RAB38: variants seen among roughly 807,000 people sequenced by gnomAD.
The protein encoded by RAB38 is ras-related protein Rab-38.
Under a neutral mutation model 18.4 loss-of-function variants are expected in RAB38, and 15 were observed. The observed-to-expected ratio is 0.82, with a 90% CI of 0.55 to 1.26. The LOEUF is 1.26. Among genes scored for constraint, RAB38 ranks in the 50% most tolerant of loss-of-function variants. The pLI is 0.00. For synonymous variants in RAB38, 101 were observed against 104.4 expected, an observed-to-expected ratio of 0.97 and a Z score of 0.20; for missense variants, 294 against 267.4, an observed-to-expected ratio of 1.10 and a Z score of -0.69.
chr11:87,963,803 C>T, the RAB38 span, among the ~76,000 whole-genome samples: 22 of 151,876 alleles, frequency 1.4e-4, no homozygotes, highest in African/African-American at 2.2e-4. Context: ...CCTGTCACCA[C>T]GCCTGGCTAA....
At chr11:88,004,341 A>G in the RAB38 span, among the ~76,000 whole-genome samples, 1 of 151,084 alleles carries the variant, frequency 6.6e-6, no homozygotes, top group Admixed American at 6.6e-5. Context: ...ACTTTTGGAA[A>G]TCAATCAGTG....
chr11:87,957,223 A>G, the RAB38 span, among the ~76,000 whole-genome samples: 1 of 152,122 alleles, frequency 6.6e-6, no homozygotes, highest in Non-Finnish European at 1.5e-5. Context: ...GTTCTCTCTG[A>G]ATCAAGCTTC....
chr11:87,934,957 G>A, the RAB38 span, among the ~76,000 whole-genome samples: 6 of 152,150 alleles, frequency 3.9e-5, no homozygotes, highest in Admixed American at 3.3e-4. Flanking sequence ...TTGAGGAAGA[G>A]ACTGTGTGGA....
chr11:87,857,943 C>G, the RAB38 span, among the ~76,000 whole-genome samples: 4 of 152,122 alleles, frequency 2.6e-5, no homozygotes, highest in Admixed American at 6.6e-5. Context: ...TTGTCCATGC[C>G]TATGTCCTGA....
the RAB38 span, among the ~76,000 whole-genome samples, chr11:88,067,798 T>C: frequency 3.9e-5 from 6 of 151,932 alleles, no homozygotes; most frequent in African/African-American, 1.5e-4. Context: ...ACCTAATGTA[T>C]GTGGAGCTTA....
chr11:88,111,089 C>A (rs1057056175), downstream of RAB38, among the ~76,000 whole-genome samples: 9 of 152,156 alleles, frequency 5.9e-5, no homozygotes, highest in Admixed American at 2.6e-4. Context: ...TACGTGATGC[C>A]ATAATTAATA....
At chr11:88,083,673 G>A in the RAB38 span, among the ~76,000 whole-genome samples, 56 of 151,982 alleles carry the variant, frequency 3.7e-4, 1 homozygote, top group South Asian at 8.9e-3. Flanking sequence ...GGGCTCTGCC[G>A]TCATGAATGG....
chr11:88,148,185 G>T (rs202125218), intron 2 of RAB38, among the ~76,000 whole-genome samples: 2 of 152,078 alleles, frequency 1.3e-5, no homozygotes, highest in Admixed American at 6.5e-5. Flanking sequence ...AAGAACTCTC[G>T]CAACTGAGCA....
intron 1 of RAB38, among the ~76,000 whole-genome samples, chr11:88,156,693 C>T (rs1943130506): frequency 6.8e-6 from 1 of 147,094 alleles, no homozygotes; most frequent in South Asian, 2.1e-4. Flanking sequence ...CAGAGCAAGA[C>T]TTTGTCTCAA....
the RAB38 span, among the ~76,000 whole-genome samples, chr11:87,861,455 C>A: frequency 2.6e-5 from 4 of 151,898 alleles, no homozygotes; most frequent in Admixed American, 6.6e-5. Flanking sequence ...ATCCTGAAGA[C>A]AAATCACAAT....
chr11:88,085,225 C>G, the RAB38 span, among the ~76,000 whole-genome samples: 1 of 151,930 alleles, frequency 6.6e-6, no homozygotes, highest in Non-Finnish European at 1.5e-5. Context: ...ACCTCATTCA[C>G]TTCTTTCACT....
chr11:87,868,815 G>A, the RAB38 span, among the ~76,000 whole-genome samples: 1 of 151,530 alleles, frequency 6.6e-6, no homozygotes, highest in Non-Finnish European at 1.5e-5. Flanking sequence ...CAGCTGCTTT[G>A]AGTGTTGCCT....
chr11:87,899,327 G>A, the RAB38 span, among the ~76,000 whole-genome samples: 3 of 151,596 alleles, frequency 2.0e-5, no homozygotes, highest in Non-Finnish European at 4.4e-5. Context: ...AGGGGCAACG[G>A]CACTGTCTGG....
the RAB38 span, among the ~76,000 whole-genome samples, chr11:87,818,347 G>A: frequency 6.6e-6 from 1 of 152,082 alleles, no homozygotes; most frequent in African/African-American, 2.4e-5. Context: ...ACACTATTGA[G>A]ATTTACTTGG....
rs887321420 is a variant in RAB38, at chr11:88,137,249, G to C, written c.483+12426C>G. On this transcript the variant is annotated intron_variant, in intron 2 of 2. Coordinates refer to ENST00000243662, the MANE Select transcript of RAB38 (RefSeq NM_022337.3). ...CTCAGTATCTGCTTTTGATTATCTT[G>C]CTCTCAAAATTTTTAAAGGGACCAT... Among the ~76,000 whole-genome samples, 4 of 152,104 alleles carry C rather than the reference G, an allele frequency of 2.6e-5. 1 individual carries two copies. Among genetic ancestry groups the C allele is most frequent in the African/African-American group, 9.7e-5 (4 of 41,418 alleles).
the RAB38 span, among the ~76,000 whole-genome samples, chr11:87,882,726 A>G: frequency 2.1e-4 from 32 of 151,966 alleles, no homozygotes; most frequent in African/African-American, 7.7e-4. Flanking sequence ...TGTCATTGTC[A>G]CTTTTTGTTG....
the RAB38 span, among the ~76,000 whole-genome samples, chr11:87,851,988 T>C: frequency 2.0e-5 from 3 of 152,176 alleles, no homozygotes; most frequent in Non-Finnish European, 4.4e-5. Flanking sequence ...ACAGTTAAAC[T>C]ATATTTTTTA....
chr11:87,952,709 A>C, the RAB38 span, among the ~76,000 whole-genome samples: 1 of 152,132 alleles, frequency 6.6e-6, no homozygotes, highest in African/African-American at 2.4e-5. Context: ...GGCCAAGATC[A>C]CCAGGGATTG....
the RAB38 span, among the ~76,000 whole-genome samples, chr11:88,088,853 G>C: frequency 6.6e-6 from 1 of 151,692 alleles, no homozygotes; most frequent in Non-Finnish European, 1.5e-5. Context: ...AAGATATATC[G>C]GGGAAAATAT....
Sources: gnomAD v4.1 joint callset for allele counts (sites outside exome capture counted in the v4.1 genomes callset) on GRCh38, gnomAD v4.1.1 for gene constraint, MANE v1.5 for transcripts, NCBI Gene and HGNC (gene_info 2026-07-23, HGNC 2026-07-21) for gene names.